Variants in NTRK3 observed in about 807,000 individuals in gnomAD.
NTRK3 encodes neurotrophic receptor tyrosine kinase 3.
A neutral mutation model predicts 91.7 loss-of-function variants in NTRK3; 24 were observed. That is an observed-to-expected ratio of 0.26 (90% CI 0.19 to 0.37). The LOEUF is 0.37. Ranked by LOEUF, NTRK3 falls within the 10% of genes least tolerant of loss-of-function variation. The pLI, the probability that NTRK3 is intolerant of heterozygous loss-of-function variation, is 1.00. For synonymous variants in NTRK3, 483 were observed against 404.0 expected, an observed-to-expected ratio of 1.20 and a Z score of -2.34; for missense variants, 880 against 1,068.9, an observed-to-expected ratio of 0.82 and a Z score of 2.46.
At chr15:88,047,431 G>GA (rs199972150) in intron 13 of NTRK3, among the ~76,000 whole-genome samples, 66 of 150,258 alleles carry the variant, frequency 4.4e-4, no homozygotes, top group Admixed American at 7.9e-4. Flanking sequence ...GGTACCAAGG[G>GA]AAAAAAAAAG....
intron 17 of NTRK3, chr15:87,916,364 A>C: frequency 1.9e-6 from 1 of 522,160 alleles, no homozygotes; most frequent in East Asian, 2.8e-5. Flanking sequence ...TCCTGTTATG[A>C]CACATCCGTA....
chr15:88,015,218 C>T (rs2077145223), intron 14 of NTRK3, among the ~76,000 whole-genome samples: 1 of 152,212 alleles, frequency 6.6e-6, no homozygotes, highest in African/African-American at 2.4e-5. Flanking sequence ...TCACCTACTT[C>T]TGAGAAACAG....
chr15:88,190,283 C>T (rs941690448), intron 3 of NTRK3, among the ~76,000 whole-genome samples: 5 of 152,198 alleles, frequency 3.3e-5, no homozygotes, highest in African/African-American at 1.2e-4. Context: ...AAACCCTTTG[C>T]ATTTTCAACT....
intron 17 of NTRK3, among the ~76,000 whole-genome samples, chr15:87,915,305 G>C (rs2067372469): frequency 1.3e-5 from 2 of 152,348 alleles, no homozygotes; most frequent in Admixed American, 6.5e-5. Context: ...TATCCCCAAG[G>C]CTCCAGGACA....
chr15:88,247,284 C>T (rs890505670), intron 3 of NTRK3, among the ~76,000 whole-genome samples: 1 of 152,194 alleles, frequency 6.6e-6, no homozygotes, highest in African/African-American at 2.4e-5. Context: ...AGAGCAGACA[C>T]CAACAGGCGG....
rs769920098 is a variant in NTRK3 at position 88,256,017 on chromosome 15, C to G, written c.137G>C (p.Arg46Pro). ...GAAGAGGTTCCCATCGTCCGGCCGCCGGCAATTGATCTCAGTCTTGCTGCA... is the reference window on the plus strand; with the variant it reads ...GAAGAGGTTCCCATCGTCCGGCCGCGGGCAATTGATCTCAGTCTTGCTGCA... Residue 46 changes from arginine to proline, a missense_variant, in exon 3 of 19, where the codon CGG (arginine) becomes CCG (proline). Arg to Pro is a moderately radical substitution (Grantham distance 103). This residue lies in a region of NTRK3 where 743 missense variants were observed against 868.6 expected (regional missense o/e 0.86). Transcript: ENST00000394480. 7.2e-5 allele frequency: 116 copies of G among 1,613,496 alleles called. No individual in the cohort carries two copies. The highest frequency in any genetic ancestry group is 9.5e-5 in the Non-Finnish European group (112 of 1,179,856).
At chr15:87,869,377 G>A (rs1250496718) in exon 19 of NTRK3, 3 of 228,238 alleles carry the variant, frequency 1.3e-5, no homozygotes, top group African/African-American at 2.2e-5. Context: ...AAAATTCACT[G>A]CACAGAGGTT....
intron 14 of NTRK3, chr15:87,979,533 G>T: frequency 9.8e-7 from 1 of 1,021,990 alleles, no homozygotes; most frequent in Non-Finnish European, 1.5e-6. Context: ...CCCCAAAGAA[G>T]ATCAAAACTA....
chr15:87,863,524 C>CTTTT (rs36088298), exon 19 of NTRK3: 14 of 194,202 alleles, frequency 7.2e-5, no homozygotes, highest in East Asian at 1.6e-4. Context: ...TTCCAAAAGT[C>CTTTT]TTTTTTTTTT....
At chr15:88,024,139 G>T (rs551700897) in intron 14 of NTRK3, among the ~76,000 whole-genome samples, 1 of 152,318 alleles carries the variant, frequency 6.6e-6, no homozygotes, top group Admixed American at 6.5e-5. Flanking sequence ...TCCAGAAAAA[G>T]CAAGCTTCAT....
chr15:87,950,715 C>T (rs540069345), intron 14 of NTRK3, among the ~76,000 whole-genome samples: 27 of 152,172 alleles, frequency 1.8e-4, no homozygotes, highest in Non-Finnish European at 3.4e-4. Context: ...TGTGTACAGT[C>T]GTACATTTGG....
intron 15 of NTRK3, among the ~76,000 whole-genome samples, chr15:87,938,712 C>T (rs1306933155): frequency 6.6e-6 from 1 of 152,184 alleles, no homozygotes; most frequent in Non-Finnish European, 1.5e-5. Context: ...CTCCAGTCCC[C>T]AGATGGATGC....
At chr15:88,104,022 A>G (rs1211825025) in intron 13 of NTRK3, among the ~76,000 whole-genome samples, 1 of 152,200 alleles carries the variant, frequency 6.6e-6, no homozygotes, top group Non-Finnish European at 1.5e-5. Context: ...TTCTTGCTAT[A>G]AGGGACCTCC....
chr15:87,886,692 A>G (rs1266945275), intron 17 of NTRK3, among the ~76,000 whole-genome samples: 2 of 141,814 alleles, frequency 1.4e-5, no homozygotes, highest in Non-Finnish European at 3.1e-5. Context: ...ATATATATAT[A>G]TATATATACA....
chr15:88,064,204 G>T (rs537449457), intron 13 of NTRK3, among the ~76,000 whole-genome samples: 3 of 152,344 alleles, frequency 2.0e-5, no homozygotes, highest in Admixed American at 2.0e-4. Flanking sequence ...CTCTTAAAAA[G>T]CCTTTGGCAG....
Position 88,153,328 on chromosome 15 carries a change from C to T in NTRK3, c.396-5925G>A, listed in dbSNP as rs540090350. On this transcript the variant is annotated intron_variant, in intron 5 of 18. Coordinates refer to ENST00000394480, the Ensembl canonical transcript of NTRK3. Reference sequence around the variant, plus strand: ...CATGATCTCGACTCACTGCAACCTCCGCCTCCCGGGTTGAAGCGATTCTTC... The same window carrying T: ...CATGATCTCGACTCACTGCAACCTCTGCCTCCCGGGTTGAAGCGATTCTTC... Among the ~76,000 whole-genome samples, 58 of 152,192 alleles carry T rather than the reference C, an allele frequency of 3.8e-4. No individual in the cohort carries two copies. The Middle Eastern group carries it at 0.01, about 27-fold the overall frequency.
intron 14 of NTRK3, among the ~76,000 whole-genome samples, chr15:87,969,228 G>A (rs567301081): frequency 1.1e-3 from 161 of 152,242 alleles, no homozygotes; most frequent in Admixed American, 1.7e-3. Flanking sequence ...ATCAGAGCAG[G>A]GGCCTTCCGA....
At chr15:87,944,092 T>A (rs2070177390) in intron 14 of NTRK3, among the ~76,000 whole-genome samples, 2 of 151,882 alleles carry the variant, frequency 1.3e-5, no homozygotes, top group South Asian at 4.2e-4. Flanking sequence ...CTGGGTAGGG[T>A]GGTGAGTGCT....
intron 3 of NTRK3, among the ~76,000 whole-genome samples, chr15:88,247,117 T>TC (rs1450006668): frequency 3.3e-5 from 5 of 152,172 alleles, no homozygotes; most frequent in African/African-American, 1.2e-4. Context: ...GTGCCAAGAC[T>TC]CCCCCAGATA....
Sources: gnomAD v4.1 joint callset for allele counts (sites outside exome capture counted in the v4.1 genomes callset) on GRCh38, gnomAD v4.1.1 for gene constraint, gnomAD v4.1.1 regional missense constraint, MANE v1.5 for transcripts, NCBI Gene and HGNC (gene_info 2026-07-23, HGNC 2026-07-21) for gene names.